Variants in HS1BP3 observed in about 807,000 individuals in gnomAD.
HS1BP3 encodes the protein HCLS1-binding protein 3.
A neutral mutation model predicts 33.5 loss-of-function variants in HS1BP3; 32 were observed. That is an observed-to-expected ratio of 0.95 (90% CI 0.72 to 1.28). The LOEUF is 1.28. HS1BP3 is among the 50% of genes most tolerant of loss of function. The probability of loss-of-function intolerance (pLI) is 0.00; values close to 1 mark genes in which losing one functional copy is unlikely to be tolerated. For missense variants in HS1BP3, 486 were observed against 502.3 expected, an observed-to-expected ratio of 0.97 and a Z score of 0.31; for synonymous variants, 187 against 209.2, an observed-to-expected ratio of 0.89 and a Z score of 0.92.
chr2:20,568,642 T>C (rs899135920), intron 5 of HS1BP3, among the ~76,000 whole-genome samples: 3 of 152,142 alleles, frequency 2.0e-5, no homozygotes, highest in African/African-American at 7.2e-5. Context: ...CACATCTGCC[T>C]GTCTGTGGCA....
At position 20,624,000 on chromosome 2, in the gene HS1BP3, G is replaced by A. The variant is rs774845937; in HGVS notation, c.816C>T (p.Gly272=). The change falls in exon 6 of 7, where the codon GGC becomes GGT. Residue 272 remains glycine, a synonymous_variant. Coordinates refer to ENST00000304031, the MANE Select transcript of HS1BP3 (RefSeq NM_022460.4). The part of the protein sequence containing the change: ...PLKLFDDPDL[G]GAIPLGDSLL... ...GGGAGTCACCCAGGGGGATGGCCCCGCCGAGGTCAGGATCATCAAATAGCT... is the reference window on the plus strand; with the variant it reads ...GGGAGTCACCCAGGGGGATGGCCCCACCGAGGTCAGGATCATCAAATAGCT... 5.6e-6 allele frequency: 9 copies of A among 1,612,078 alleles called. No individual in the cohort carries two copies. Among genetic ancestry groups the A allele is most frequent in the East Asian group, 2.2e-5 (1 of 44,872 alleles).
intron 1 of HS1BP3, among the ~76,000 whole-genome samples, chr2:20,648,311 T>C (rs1695579830): frequency 6.6e-6 from 1 of 152,172 alleles, no homozygotes; most frequent in South Asian, 2.1e-4. Flanking sequence ...GTTCCTCTCC[T>C]CCTGTTTGAT....
At chr2:20,614,871 A>G (rs1008414677), downstream of HS1BP3, among the ~76,000 whole-genome samples, 51 of 152,350 alleles carry the variant, frequency 3.3e-4, no homozygotes, top group African/African-American at 1.2e-3. Context: ...GACACATGAA[A>G]TTGCTTGGCT....
downstream of HS1BP3, among the ~76,000 whole-genome samples, chr2:20,592,016 C>A (rs7558984): frequency 2.6e-5 from 4 of 152,098 alleles, no homozygotes; most frequent in African/African-American, 7.3e-5. Flanking sequence ...CCCCAGCATC[C>A]AGGCCAGAAA....
exon 6 of HS1BP3, chr2:20,560,510 A>G (rs1429534994): frequency 4.6e-5 from 7 of 152,306 alleles, no homozygotes; most frequent in Non-Finnish European, 1.0e-4. Context: ...CTTATGAGCC[A>G]GTGTCCTGCA....
At chr2:20,645,254 G>T in intron 2 of HS1BP3, 86 bp downstream of exon 2, 2 of 1,366,432 alleles carry the variant, frequency 1.5e-6, no homozygotes, top group Non-Finnish European at 2.0e-6. Flanking sequence ...TGCTCTGGAT[G>T]CTACTTGAAC....
intron 4 of HS1BP3, among the ~76,000 whole-genome samples, chr2:20,629,801 G>C (rs771042158): frequency 7.9e-5 from 12 of 152,250 alleles, no homozygotes; most frequent in African/African-American, 2.7e-4. Context: ...CTGCAGGCGG[G>C]CGTGCAGCAT....
At chr2:20,630,489 A>G (rs1329287360) in intron 4 of HS1BP3, among the ~76,000 whole-genome samples, 4 of 152,052 alleles carry the variant, frequency 2.6e-5, no homozygotes, top group African/African-American at 7.2e-5. Context: ...GGCTGATCTC[A>G]AGCTCCTGGG....
At chr2:20,576,693 C>T (rs538465877) in intron 5 of HS1BP3, among the ~76,000 whole-genome samples, 4 of 152,320 alleles carry the variant, frequency 2.6e-5, no homozygotes, top group African/African-American at 9.6e-5. Flanking sequence ...TTGAATGGTA[C>T]CCTTAATGGG....
intron 4 of HS1BP3, among the ~76,000 whole-genome samples, chr2:20,631,968 A>G (rs1158700965): frequency 5.3e-5 from 8 of 152,238 alleles, no homozygotes; most frequent in Non-Finnish European, 1.0e-4. Flanking sequence ...TGCAGCAGTC[A>G]GCCCCAAATG....
intron 5 of HS1BP3, among the ~76,000 whole-genome samples, chr2:20,567,815 G>A (rs986192290): frequency 5.3e-5 from 8 of 152,314 alleles, no homozygotes; most frequent in Admixed American, 6.5e-5. Context: ...TGTCCCTTCC[G>A]TGCCAGTGGA....
intron 2 of HS1BP3, among the ~76,000 whole-genome samples, chr2:20,605,967 G>A (rs1199615879): frequency 6.6e-6 from 1 of 152,156 alleles, no homozygotes. Flanking sequence ...ATATACCTAG[G>A]AGTGGAATGC....
intron 2 of HS1BP3, among the ~76,000 whole-genome samples, chr2:20,608,712 C>T (rs961954688): frequency 6.6e-6 from 1 of 152,142 alleles, no homozygotes; most frequent in Non-Finnish European, 1.5e-5. Context: ...TCCAGGGTGT[C>T]CGGCTGTCAC....
chr2:20,554,938 G>A, the HS1BP3 span, among the ~76,000 whole-genome samples: 484 of 152,232 alleles, frequency 3.2e-3, 1 homozygote, highest in African/African-American at 0.011. Context: ...TAGCCCCACC[G>A]TGGCCACCTT....
intron 5 of HS1BP3, among the ~76,000 whole-genome samples, chr2:20,563,134 C>G (rs1693041568): frequency 6.6e-6 from 1 of 152,234 alleles, no homozygotes; most frequent in African/African-American, 2.4e-5. Context: ...TTGGAGCCAG[C>G]CTGCCCTGCT....
At chr2:20,639,765 G>A (rs1194796322) in intron 3 of HS1BP3, among the ~76,000 whole-genome samples, 1 of 152,254 alleles carries the variant, frequency 6.6e-6, no homozygotes, top group Non-Finnish European at 1.5e-5. Context: ...AGAGCAGCTT[G>A]TGTTTCTATC....
intron 3 of HS1BP3, among the ~76,000 whole-genome samples, chr2:20,639,462 T>C (rs1695270080): frequency 6.6e-6 from 1 of 152,256 alleles, no homozygotes; most frequent in African/African-American, 2.4e-5. Flanking sequence ...AGACTATTTG[T>C]TCATTTCTAT....
intron 4 of HS1BP3, among the ~76,000 whole-genome samples, chr2:20,630,516 G>T (rs187846071): frequency 2.0e-5 from 3 of 152,154 alleles, no homozygotes; most frequent in Non-Finnish European, 4.4e-5. Context: ...TGGTCTTCCC[G>T]CCTTGACCTC....
intron 6 of HS1BP3, chr2:20,622,727 C>T (rs1326090242): frequency 5.4e-6 from 1 of 183,716 alleles, no homozygotes; most frequent in East Asian, 1.2e-4. Flanking sequence ...TGCTGCTCCG[C>T]AGGCAGACTC....
Sources: gnomAD v4.1 joint callset for allele counts (sites outside exome capture counted in the v4.1 genomes callset) on GRCh38, gnomAD v4.1.1 for gene constraint, MANE v1.5 for transcripts, NCBI Gene and HGNC (gene_info 2026-07-23, HGNC 2026-07-21) for gene names.